The following PIAS2 variants were observed in gnomAD, a reference collection of about 807,000 sequenced individuals.
PIAS2 encodes the protein E3 SUMO-protein ligase PIAS2.
PIAS2 carries 19 observed loss-of-function variants against 69.7 expected under a neutral mutation model. That is an observed-to-expected ratio of 0.27 (90% CI 0.19 to 0.40). The LOEUF is 0.40. PIAS2 is among the 10% of genes least tolerant of loss of function. The pLI is 1.00. For synonymous variants in PIAS2, 261 were observed against 263.2 expected (o/e 0.99, Z 0.08); for missense variants, 624 against 757.0 (o/e 0.82, Z 2.06).
Position 46,833,823 on chromosome 18 carries a change from T to G in PIAS2, c.1202+2534A>C, listed in dbSNP as rs187462279. On this transcript the variant is annotated intron_variant, in intron 9 of 13. Coordinates refer to ENST00000585916, the MANE Select transcript of PIAS2 (RefSeq NM_004671.5). ...ACACTAGTATTTACAAGAAATGTAT[T>G]AGATAATGCAAGTAGTATCTCAGAT... is the stretch of plus-strand genomic sequence containing the variant. 2.6e-5 allele frequency among the ~76,000 whole-genome samples: 4 copies of G among 152,308 alleles called. No homozygotes were observed. In the East Asian group the frequency reaches 7.7e-4, roughly 29 times the overall value.
intron 2 of PIAS2, among the ~76,000 whole-genome samples, chr18:46,886,608 C>T (rs893223034): frequency 6.6e-6 from 1 of 152,120 alleles, no homozygotes; most frequent in Non-Finnish European, 1.5e-5. Context: ...GAGGCCAAGG[C>T]GGGTGGATCA....
chr18:46,804,862 G>C lies in PIAS2; in HGVS notation c.*7571C>G, dbSNP rs1409076917. The C allele has an allele frequency of 1.3e-5, 2 of 152,250 alleles. No homozygotes were observed. Among genetic ancestry groups the C allele is most frequent in the African/African-American group, 4.8e-5 (2 of 41,454 alleles). 9.4% of individuals were successfully genotyped at this position (152,250 alleles called of 1,614,324 possible). A position where few individuals can be genotyped will look rare whatever the true frequency, so the allele number is the denominator to read the frequency against. ...GCACCTAATATAATCTCAAATACTG[G>C]ATGACTGAGACCATTTGTAAGCCAA... On this transcript the variant is annotated 3_prime_UTR_variant, in exon 14 of 14. Transcript: ENST00000585916.
chr18:46,884,354 C>A (rs976202018), intron 2 of PIAS2, among the ~76,000 whole-genome samples: 10 of 151,710 alleles, frequency 6.6e-5, no homozygotes, highest in African/African-American at 2.2e-4. Context: ...ACTCTGTCAC[C>A]CAGGCCAGAG....
chr18:46,844,799 G>T lies in PIAS2; in HGVS notation c.902C>A (p.Ser301Ter), dbSNP rs1599652457. Reference sequence around the variant, plus strand: ...TTTTAATCTCTGTAATAACATGGCTGATGTAAGCTGCCGTACAAGATATAC... The same window carrying T: ...TTTTAATCTCTGTAATAACATGGCTTATGTAAGCTGCCGTACAAGATATAC... ...MSVYLVRQLT[S>*]AMLLQRLKMK... Residue 301 changes from serine (S) to a stop codon, truncating the protein, a stop_gained, in exon 7 of 14, where the codon TCA becomes TAA. Coordinates refer to ENST00000585916, the MANE Select transcript of PIAS2 (RefSeq NM_004671.5). LOFTEE classifies it high-confidence loss of function. 1 of 1,485,942 alleles carries T rather than the reference G, an allele frequency of 6.7e-7. No individual in the cohort carries two copies. Among genetic ancestry groups the T allele is most frequent in the Non-Finnish European group, 8.9e-7 (1 of 1,120,134 alleles). 92.0% of individuals were successfully genotyped at this position (1,485,942 alleles called of 1,614,324 possible).
intron 2 of PIAS2, among the ~76,000 whole-genome samples, 155 bp from the exon 3 acceptor site, chr18:46,864,403 A>C (rs139040964): frequency 1.9e-3 from 285 of 152,364 alleles, no homozygotes; most frequent in African/African-American, 6.5e-3. Flanking sequence ...AACTGCATTC[A>C]TCTTGGAATC....
intron 3 of PIAS2, among the ~76,000 whole-genome samples, chr18:46,863,117 T>C (rs2048923242): frequency 6.6e-6 from 1 of 152,182 alleles, no homozygotes; most frequent in Non-Finnish European, 1.5e-5. Context: ...ATACTTTTCA[T>C]AATTGTTTTC....
At chr18:46,817,332 A>G in intron 12 of PIAS2, 1 of 980,780 alleles carries the variant, frequency 1.0e-6, no homozygotes, top group Non-Finnish European at 1.2e-6. Flanking sequence ...AACTATTTCA[A>G]TTTCAGAATT....
intron 2 of PIAS2, among the ~76,000 whole-genome samples, chr18:46,876,179 T>C (rs2051156053): frequency 6.6e-6 from 1 of 152,222 alleles, no homozygotes; most frequent in Non-Finnish European, 1.5e-5. Context: ...CTGATCCAAT[T>C]GGCCATCCCT....
chr18:46,864,457 G>A (rs1402713658), intron 2 of PIAS2, among the ~76,000 whole-genome samples: 2 of 152,176 alleles, frequency 1.3e-5, no homozygotes, highest in Non-Finnish European at 2.9e-5. Flanking sequence ...CGTTAAGTAC[G>A]TAACCATTCT....
intron 2 of PIAS2, among the ~76,000 whole-genome samples, chr18:46,888,757 C>T (rs1464012595): frequency 6.6e-6 from 1 of 152,150 alleles, no homozygotes; most frequent in Non-Finnish European, 1.5e-5. Context: ...GAATCTAATG[C>T]CACTGCTGAT....
chr18:46,843,884 G>A (rs1247799582), intron 8 of PIAS2, 170 bp downstream of exon 8: 3 of 457,380 alleles, frequency 6.6e-6, no homozygotes, highest in African/African-American at 4.1e-5. Context: ...TTCTTTGCAT[G>A]CCCAAATAAT....
At position 46,809,717 on chromosome 18, in the gene PIAS2, T is replaced by C. The variant is rs1401742095; in HGVS notation, c.*2716A>G. 6.7e-6 allele frequency: 1 copy of C among 149,008 alleles called. No homozygotes were observed. Among genetic ancestry groups the C allele is most frequent in the African/African-American group, 2.5e-5 (1 of 39,940 alleles). The allele number at this position is 149,008 out of a possible 1,614,324, so 9.2% of individuals were successfully genotyped here. ...TTGCGGTGAGCCAAGATCGCACCAT[T>C]GCACTCCATCCCGGGCAACAAGAGC... is the stretch of plus-strand genomic sequence containing the variant. On this transcript the variant is annotated 3_prime_UTR_variant, in exon 14 of 14. Coordinates refer to ENST00000585916, the MANE Select transcript of PIAS2 (RefSeq NM_004671.5).
chr18:46,915,718 C>A (rs988470999), intron 1 of PIAS2: 2 of 151,334 alleles, frequency 1.3e-5, no homozygotes, highest in East Asian at 3.9e-4. Flanking sequence ...CGAGTAAATT[C>A]TTCGCTTTAC....
At position 46,916,084 on chromosome 18, in the gene PIAS2, G is replaced by C. The variant is rs117089559; in HGVS notation, c.24+1238C>G. ...CATAAACTAGTATGGGGCATAACAT[G>C]TATTAATATGTGTTTACTGGGAACT... On this transcript the variant is annotated intron_variant, in intron 1 of 13. Transcript: ENST00000585916. 4.6e-3 allele frequency among the ~76,000 whole-genome samples: 705 copies of C among 152,232 alleles called. 4 individuals are homozygous for C. Among genetic ancestry groups the C allele is most frequent in the South Asian group, 0.033 (157 of 4,818 alleles).
At chr18:46,845,212 C>T (rs1183945726) in intron 6 of PIAS2, among the ~76,000 whole-genome samples, 2 of 152,138 alleles carry the variant, frequency 1.3e-5, no homozygotes, top group African/African-American at 4.8e-5. Flanking sequence ...CTGCTTTTAT[C>T]GACTTTATGT....
At chr18:46,890,527 T>G in intron 2 of PIAS2, 53 bp downstream of exon 2, 2 of 1,075,410 alleles carry the variant, frequency 1.9e-6, no homozygotes, top group Non-Finnish European at 2.8e-6. Context: ...GTTGAAGGTC[T>G]CTCATTTCAT....
intron 2 of PIAS2, among the ~76,000 whole-genome samples, chr18:46,868,931 C>T (rs544906556): frequency 2.0e-5 from 3 of 152,320 alleles, no homozygotes; most frequent in African/African-American, 4.8e-5. Flanking sequence ...CTCTCAGCAA[C>T]GCAGGTGAAA....
intron 5 of PIAS2, among the ~76,000 whole-genome samples, chr18:46,848,800 A>G (rs957695783): frequency 4.7e-5 from 7 of 148,788 alleles, no homozygotes; most frequent in Non-Finnish European, 3.0e-5. Context: ...AGAGAGAGAG[A>G]GTAGGAAGGT....
chr18:46,866,257 C>G (rs113417732), intron 2 of PIAS2, among the ~76,000 whole-genome samples: 112 of 152,122 alleles, frequency 7.4e-4, no homozygotes, highest in Admixed American at 2.6e-4. Flanking sequence ...ACTACCTAGT[C>G]ACATCATAGT....
Sources: allele counts gnomAD v4.1 joint callset (sites outside exome capture counted in the v4.1 genomes callset), GRCh38; gene constraint gnomAD v4.1.1; transcripts MANE v1.5; gene names NCBI Gene and HGNC (gene_info 2026-07-23, HGNC 2026-07-21).